Variants in NRG3 observed in about 807,000 individuals in gnomAD.
The protein encoded by NRG3 is neuregulin 3, also known as pro-neuregulin-3, membrane-bound isoform.
NRG3 carries 31 observed loss-of-function variants against 66.9 expected under a neutral mutation model. The observed-to-expected ratio is 0.46, with a 90% CI of 0.35 to 0.63. The LOEUF is 0.63. Ranked by LOEUF, NRG3 falls within the 20% of genes least tolerant of loss-of-function variation. NRG3 has a pLI of 0.00. For synonymous variants in NRG3, 393 were observed against 359.4 expected (o/e 1.09, Z -1.06); for missense variants, 910 against 878.9 (o/e 1.04, Z -0.45).
At chr10:82,118,216 TAAA>T (rs201442608) in intron 1 of NRG3, among the ~76,000 whole-genome samples, 4 of 130,236 alleles carry the variant, frequency 3.1e-5, no homozygotes, top group African/African-American at 5.4e-5. Flanking sequence ...GTAAGGACTC[TAAA>T]AAAAAAAAAA....
intron 2 of NRG3, among the ~76,000 whole-genome samples, chr10:82,649,470 T>C (rs2051234223): frequency 7.4e-6 from 1 of 135,770 alleles, no homozygotes; most frequent in Non-Finnish European, 1.5e-5. Context: ...TTTTTTTTTT[T>C]TTTTTTTTTT....
At chr10:82,876,503 G>T (rs1392280810) in intron 4 of NRG3, among the ~76,000 whole-genome samples, 2 of 152,144 alleles carry the variant, frequency 1.3e-5, no homozygotes, top group Non-Finnish European at 2.9e-5. Context: ...TGTAAAAAGT[G>T]AATGCTTCTT....
At chr10:82,543,773 A>T (rs550631541) in intron 2 of NRG3, among the ~76,000 whole-genome samples, 1 of 152,234 alleles carries the variant, frequency 6.6e-6, no homozygotes. Context: ...TCATTCGTTC[A>T]GCTCCTGCAC....
intron 1 of NRG3, among the ~76,000 whole-genome samples, chr10:82,228,583 A>G (rs985292616): frequency 6.6e-6 from 1 of 152,104 alleles, no homozygotes; most frequent in Non-Finnish European, 1.5e-5. Flanking sequence ...GTAACTGGAT[A>G]TGGTGTAAGG....
At chr10:82,736,163 A>C (rs1313365882) in intron 2 of NRG3, among the ~76,000 whole-genome samples, 1 of 152,216 alleles carries the variant, frequency 6.6e-6, no homozygotes, top group Non-Finnish European at 1.5e-5. Flanking sequence ...AAACCAAAAC[A>C]AAAACAAGCA....
At chr10:82,912,839 T>C (rs892360475) in intron 4 of NRG3, among the ~76,000 whole-genome samples, 1 of 152,232 alleles carries the variant, frequency 6.6e-6, no homozygotes, top group Admixed American at 6.5e-5. Context: ...AGATATATTT[T>C]GTTAGTGATT....
chr10:82,343,171 G>A (rs1369128164), intron 1 of NRG3, among the ~76,000 whole-genome samples: 2 of 152,002 alleles, frequency 1.3e-5, no homozygotes, highest in Non-Finnish European at 2.9e-5. Context: ...TAGATAAATG[G>A]TACAGAATGG....
chr10:82,009,696 G>A (rs2061504341), intron 1 of NRG3, among the ~76,000 whole-genome samples: 1 of 115,702 alleles, frequency 8.6e-6, no homozygotes, highest in South Asian at 3.4e-4. Flanking sequence ...TGGAAATTGG[G>A]AGAAGAGGAC....
At chr10:82,165,039 G>A (rs1442908424) in intron 1 of NRG3, among the ~76,000 whole-genome samples, 2 of 151,982 alleles carry the variant, frequency 1.3e-5, no homozygotes, top group Non-Finnish European at 2.9e-5. Context: ...ATATATCTAT[G>A]TATAGATAGA....
chr10:82,120,967 G>T (rs1179057339), intron 1 of NRG3, among the ~76,000 whole-genome samples: 2 of 152,020 alleles, frequency 1.3e-5, no homozygotes, highest in Non-Finnish European at 2.9e-5. Context: ...ATGGATGCCA[G>T]TTTAACTTAC....
intron 3 of NRG3, among the ~76,000 whole-genome samples, chr10:82,843,690 C>T (rs990973130): frequency 6.6e-6 from 1 of 151,910 alleles, no homozygotes; most frequent in Non-Finnish European, 1.5e-5. Flanking sequence ...AAAGAAACAC[C>T]CTTCAATGAT....
chr10:82,404,216 C>T (rs2087327412), intron 2 of NRG3, among the ~76,000 whole-genome samples: 1 of 152,124 alleles, frequency 6.6e-6, no homozygotes, highest in Non-Finnish European at 1.5e-5. Flanking sequence ...TTCAAATTCA[C>T]AAACCTGTGT....
chr10:82,236,309 T>C (rs2076749617), intron 1 of NRG3, among the ~76,000 whole-genome samples: 1 of 152,174 alleles, frequency 6.6e-6, no homozygotes, highest in African/African-American at 2.4e-5. Context: ...AAGTGGTCAG[T>C]AGAGGTCAGT....
At chr10:82,221,244 A>C (rs541861897) in intron 1 of NRG3, among the ~76,000 whole-genome samples, 1 of 151,856 alleles carries the variant, frequency 6.6e-6, no homozygotes, top group South Asian at 2.1e-4. Flanking sequence ...TGCCAAAAAA[A>C]AAAATTGGCA....
chr10:82,105,751 T>C (rs1329761103), intron 1 of NRG3, among the ~76,000 whole-genome samples: 1 of 151,992 alleles, frequency 6.6e-6, no homozygotes, highest in East Asian at 1.9e-4. Context: ...AATATGAAAA[T>C]AGACATAAAT....
At chr10:81,994,070 C>T (rs1205876063) in intron 1 of NRG3, among the ~76,000 whole-genome samples, 1 of 152,170 alleles carries the variant, frequency 6.6e-6, no homozygotes, top group Non-Finnish European at 1.5e-5. Flanking sequence ...CAAAGAATAA[C>T]ACCATTTCTA....
intron 3 of NRG3, among the ~76,000 whole-genome samples, chr10:82,788,126 G>C (rs1470648188): frequency 2.0e-5 from 3 of 152,128 alleles, no homozygotes; most frequent in Non-Finnish European, 4.4e-5. Flanking sequence ...GTTGAAATTA[G>C]GGAATCTAGC....
intron 2 of NRG3, among the ~76,000 whole-genome samples, chr10:82,732,943 C>T (rs1371250137): frequency 6.6e-6 from 1 of 152,170 alleles, no homozygotes; most frequent in Non-Finnish European, 1.5e-5. Context: ...CATTTAATAG[C>T]CCTGTTAAAT....
intron 2 of NRG3, among the ~76,000 whole-genome samples, chr10:82,439,728 ATGT>A (rs778125213): frequency 1.2e-4 from 19 of 152,036 alleles, no homozygotes; most frequent in Admixed American, 4.6e-4. Context: ...TATATATTTA[ATGT>A]TGTGTTCTTG....
Sources: gnomAD v4.1 joint callset for allele counts (sites outside exome capture counted in the v4.1 genomes callset) on GRCh38, gnomAD v4.1.1 for gene constraint, MANE v1.5 for transcripts, NCBI Gene and HGNC (gene_info 2026-07-23, HGNC 2026-07-21) for gene names.